Variants in DACH2 observed in about 807,000 individuals in gnomAD.
The protein encoded by DACH2 is dachshund family transcription factor 2, also known as dachshund homolog 2.
DACH2 carries 17 observed loss-of-function variants against 35.8 expected under a neutral mutation model. The observed-to-expected ratio is 0.48, with a 90% CI of 0.33 to 0.71. DACH2 has a LOEUF of 0.71. Ranked by LOEUF, DACH2 falls within the 30% of genes least tolerant of loss-of-function variation. DACH2 has a pLI of 0.02. For missense variants in DACH2, 469 were observed against 472.7 expected, an observed-to-expected ratio of 0.99 and a Z score of 0.07; for synonymous variants, 195 against 177.3, an observed-to-expected ratio of 1.10 and a Z score of -0.79.
chrX:86,778,156 G>A (rs1398541748), intron 7 of DACH2, among the ~76,000 whole-genome samples: 1 of 111,450 alleles, frequency 9.0e-6, no homozygotes, highest in Non-Finnish European at 1.9e-5. Context: ...TATATACCCA[G>A]TATTGGTATA....
At chrX:86,344,365 C>T (rs939638958) in intron 1 of DACH2, among the ~76,000 whole-genome samples, 11 of 105,334 alleles carry the variant, frequency 1.0e-4, no homozygotes, top group East Asian at 3.1e-4. Context: ...CATTGAAATA[C>T]GCATTATGCT....
intron 1 of DACH2, among the ~76,000 whole-genome samples, chrX:86,165,076 A>G (rs2030897362): frequency 9.0e-6 from 1 of 110,780 alleles, no homozygotes; most frequent in Non-Finnish European, 1.9e-5. Flanking sequence ...TAAGCATGGG[A>G]TGTTTTTCCA....
At chrX:86,698,532 T>TTG (rs2041098981) in intron 5 of DACH2, among the ~76,000 whole-genome samples, 1 of 62,059 alleles carries the variant, frequency 1.6e-5, no homozygotes, top group South Asian at 9.3e-4. Flanking sequence ...TTTTTTTTTT[T>TTG]TTTTTTTTTT....
At position 86,292,515 on chromosome X, in the gene DACH2, G is replaced by A. The variant is rs1230815365; in HGVS notation, c.489-84309G>A. 3.6e-5 allele frequency among the ~76,000 whole-genome samples: 4 copies of A among 111,253 alleles called. No individual in the cohort carries two copies. The East Asian group carries it at 1.1e-3, about 32-fold the overall frequency. The stretch of plus-strand genomic sequence containing the variant: ...CTTTTCTATTTCCTTTAATTGTGAT[G>A]TTAGGTTGTCAATTTTGGATCTTTC... On this transcript the variant is annotated intron_variant, in intron 1 of 11. Coordinates refer to ENST00000373125, the MANE Select transcript of DACH2 (RefSeq NM_053281.3).
chrX:86,365,405 A>G (rs1005211182), intron 1 of DACH2, among the ~76,000 whole-genome samples: 7 of 110,666 alleles, frequency 6.3e-5, no homozygotes, highest in Non-Finnish European at 1.3e-4. Flanking sequence ...GAGTGAAAGG[A>G]ATACAATCAT....
chrX:86,203,371 A>G (rs1231618079), intron 1 of DACH2, among the ~76,000 whole-genome samples: 1 of 111,817 alleles, frequency 8.9e-6, no homozygotes, highest in Non-Finnish European at 1.9e-5. Flanking sequence ...GGTAGCTGAG[A>G]ATGCTGATGC....
chrX:86,360,393 C>A (rs2035719290), intron 1 of DACH2, among the ~76,000 whole-genome samples: 2 of 111,376 alleles, frequency 1.8e-5, no homozygotes, highest in African/African-American at 6.5e-5. Context: ...TTGAGGGTAA[C>A]ATATACACAT....
intron 2 of DACH2, among the ~76,000 whole-genome samples, chrX:86,397,324 C>T (rs373107836): frequency 4.5e-4 from 50 of 111,375 alleles, no homozygotes; most frequent in East Asian, 3.4e-3. Flanking sequence ...TATACAATCA[C>T]GTCATCTGCA....
chrX:86,203,088 T>C (rs1007621619), intron 1 of DACH2, among the ~76,000 whole-genome samples: 1 of 111,483 alleles, frequency 9.0e-6, no homozygotes, highest in African/African-American at 3.2e-5. Context: ...AAAACAATTC[T>C]GTTTTTCAAG....
Position 86,533,529 on chromosome X carries a change from C to G in DACH2, c.640+19138C>G, listed in dbSNP as rs772352090. On this transcript the variant is annotated intron_variant, in intron 3 of 11. Coordinates refer to ENST00000373125, the MANE Select transcript of DACH2 (RefSeq NM_053281.3). ...TCACACTTCCATGGCTTTTTGCATG[C>G]TCTTCACTCTGTTTTGTATGATTTA... Among the ~76,000 whole-genome samples the G allele has an allele frequency of 6.3e-5, 7 of 111,792 alleles. No individual in the cohort carries two copies. The South Asian group carries it at 2.6e-3, about 42-fold the overall frequency.
chrX:86,823,591 C>T (rs2042533825), intron 11 of DACH2, among the ~76,000 whole-genome samples: 1 of 112,255 alleles, frequency 8.9e-6, no homozygotes, highest in Non-Finnish European at 1.9e-5. Context: ...ATTTTACAAA[C>T]ATTTCTTTCT....
chrX:86,196,315 C>A (rs1251666487), intron 1 of DACH2, among the ~76,000 whole-genome samples: 8 of 111,170 alleles, frequency 7.2e-5, no homozygotes, highest in Non-Finnish European at 1.3e-4. Flanking sequence ...GCAGAATAGA[C>A]CAAGCGCAGG....
chrX:86,725,389 A>G (rs993687430), intron 6 of DACH2, among the ~76,000 whole-genome samples: 1 of 111,656 alleles, frequency 9.0e-6, no homozygotes, highest in African/African-American at 3.3e-5. Context: ...TGCCCATGGT[A>G]GTGTAATCTA....
intron 1 of DACH2, among the ~76,000 whole-genome samples, chrX:86,177,181 T>C (rs1874755393): frequency 1.8e-5 from 2 of 112,285 alleles, no homozygotes; most frequent in Non-Finnish European, 3.8e-5. Context: ...TATTGTTGAC[T>C]GTAGTCACCC....
chrX:86,667,305 A>AGAAAG (rs1319075235), intron 4 of DACH2, among the ~76,000 whole-genome samples: 1 of 33,937 alleles, frequency 2.9e-5, no homozygotes, highest in Non-Finnish European at 4.9e-5. Context: ...AAGGAAGGAA[A>AGAAAG]GAAGGAAGGA....
chrX:86,249,730 T>C (rs1265876479), intron 1 of DACH2, among the ~76,000 whole-genome samples: 3 of 111,661 alleles, frequency 2.7e-5, no homozygotes, highest in Non-Finnish European at 5.7e-5. Flanking sequence ...TAAATTATTC[T>C]ACCATTAAGA....
chrX:86,535,135 G>A (rs2038779416), intron 3 of DACH2, among the ~76,000 whole-genome samples: 1 of 111,076 alleles, frequency 9.0e-6, no homozygotes, highest in Non-Finnish European at 1.9e-5. Flanking sequence ...TGTTTTTTTA[G>A]GCAGATGGGG....
Position 86,149,020 on chromosome X carries a change from C to A in DACH2, c.400C>A (p.Leu134Met). 1 of 1,210,438 alleles carries A rather than the reference C, an allele frequency of 8.3e-7. No individual in the cohort carries two copies. Among genetic ancestry groups the A allele is most frequent in the Non-Finnish European group, 1.1e-6 (1 of 894,683 alleles). ...TGAGCAGGTCCGGATCCTCCGCGGG[C>A]TGGGGGCCATCCAGCCCGGGGTAAA... Reference protein sequence around the residue: ...TVEQVRILRGLGAIQPGVNRC... With the variant: ...TVEQVRILRGMGAIQPGVNRC... The change falls in exon 1 of 12, where the codon CTG becomes ATG. Residue 134 changes from leucine (L) to methionine (M), a missense_variant. Leu to Met is a conservative substitution (Grantham distance 15, BLOSUM62 2). This residue lies in a region of DACH2 where 99 missense variants were observed against 114.3 expected (regional missense o/e 0.87). Coordinates refer to ENST00000373125, the MANE Select transcript of DACH2 (RefSeq NM_053281.3).
chrX:86,287,309 ATCTTT>A (rs1329540441), intron 1 of DACH2, among the ~76,000 whole-genome samples: 1 of 111,291 alleles, frequency 9.0e-6, no homozygotes, highest in African/African-American at 3.3e-5. Flanking sequence ...TGCTTTTACT[ATCTTT>A]TCTTTATCTT....
Sources: gnomAD v4.1 joint callset for allele counts (sites outside exome capture counted in the v4.1 genomes callset) on GRCh38, gnomAD v4.1.1 for gene constraint, gnomAD v4.1.1 regional missense constraint, MANE v1.5 for transcripts, NCBI Gene and HGNC (gene_info 2026-07-23, HGNC 2026-07-21) for gene names.